The following KCND2 variants were observed in gnomAD, a reference collection of about 807,000 sequenced individuals.
KCND2 encodes potassium voltage-gated channel subfamily D member 2.
In KCND2, 16 loss-of-function variants were observed where a neutral mutation model predicts 54.4. The observed-to-expected ratio is 0.29, with a 90% CI of 0.20 to 0.45. KCND2 has a LOEUF of 0.45. KCND2 is among the 20% of genes least tolerant of loss of function. The pLI, the probability that KCND2 is intolerant of heterozygous loss-of-function variation, is 1.00. For synonymous variants in KCND2, 317 were observed against 310.7 expected, an observed-to-expected ratio of 1.02 and a Z score of -0.21; for missense variants, 486 against 824.2, an observed-to-expected ratio of 0.59 and a Z score of 5.02.
At chr7:120,403,482 A>ATTTTT (rs528759246) in intron 1 of KCND2, among the ~76,000 whole-genome samples, 1 of 130,926 alleles carries the variant, frequency 7.6e-6, no homozygotes, top group Non-Finnish European at 1.6e-5. Flanking sequence ...GGCCCGGCTA[A>ATTTTT]TTTTTTTTTT....
chr7:120,422,677 C>G (rs919189072), intron 1 of KCND2, among the ~76,000 whole-genome samples: 2 of 152,204 alleles, frequency 1.3e-5, no homozygotes, highest in Non-Finnish European at 2.9e-5. Context: ...TCCGTCTGCC[C>G]TCCACCTCGC....
intron 1 of KCND2, among the ~76,000 whole-genome samples, chr7:120,680,431 C>T (rs148407729): frequency 4.1e-4 from 63 of 152,106 alleles, no homozygotes; most frequent in African/African-American, 1.3e-3. Context: ...GTTTCATCGC[C>T]GTATAAATAA....
intron 1 of KCND2, among the ~76,000 whole-genome samples, chr7:120,497,943 A>G (rs565080523): frequency 1.3e-5 from 2 of 152,284 alleles, no homozygotes; most frequent in South Asian, 4.1e-4. Context: ...AAAACACAGT[A>G]CGCATTAAAA....
At chr7:120,523,196 C>T (rs532014051) in intron 1 of KCND2, among the ~76,000 whole-genome samples, 1 of 152,146 alleles carries the variant, frequency 6.6e-6, no homozygotes, top group Non-Finnish European at 1.5e-5. Context: ...TGTTTAGACA[C>T]TAACTTCATT....
intron 1 of KCND2, among the ~76,000 whole-genome samples, chr7:120,352,750 T>A (rs1224627267): frequency 6.6e-6 from 1 of 152,112 alleles, no homozygotes; most frequent in Admixed American, 6.6e-5. Context: ...GTAGGATTTT[T>A]AAAAATTGAG....
At chr7:120,493,642 G>A (rs1287801272) in intron 1 of KCND2, among the ~76,000 whole-genome samples, 1 of 151,978 alleles carries the variant, frequency 6.6e-6, no homozygotes, top group Admixed American at 6.6e-5. Context: ...AGTAATAAAA[G>A]AATACGAATT....
At position 120,741,697 on chromosome 7, in the gene KCND2, T is replaced by C. The variant is rs7795370; in HGVS notation, c.1374+68T>C. 47,082 of 1,075,670 alleles carry C rather than the reference T, an allele frequency of 0.044. 4,613 individuals carry two copies. The highest frequency in any genetic ancestry group is 0.36 in the African/African-American group (22,756 of 63,464). 66.6% of individuals were successfully genotyped at this position (1,075,670 alleles called of 1,614,324 possible). On this transcript the variant is annotated intron_variant, in intron 3 of 5. Transcript: ENST00000331113. ...GTTTAATATTGATTTAGTTCTACTTTCCTATAATTTTATTATGGCTAATTA... is the reference window on the plus strand; with the variant it reads ...GTTTAATATTGATTTAGTTCTACTTCCCTATAATTTTATTATGGCTAATTA...
intron 1 of KCND2, among the ~76,000 whole-genome samples, chr7:120,311,561 G>T (rs1428183587): frequency 6.6e-6 from 1 of 152,096 alleles, no homozygotes. Flanking sequence ...ATTCTGAATG[G>T]ATTTTCTCCT....
chr7:120,719,751 C>A (rs1014703212), intron 1 of KCND2, among the ~76,000 whole-genome samples: 1 of 152,112 alleles, frequency 6.6e-6, no homozygotes, highest in African/African-American at 2.4e-5. Flanking sequence ...CAGTTGAACC[C>A]GGAATAGTAT....
intron 1 of KCND2, among the ~76,000 whole-genome samples, chr7:120,304,845 G>A (rs1232261175): frequency 1.3e-5 from 2 of 152,204 alleles, no homozygotes; most frequent in Admixed American, 1.3e-4. Flanking sequence ...ATTCCTAAGA[G>A]AGCCTGGGCA....
chr7:120,617,802 T>C (rs1435557855), intron 1 of KCND2, among the ~76,000 whole-genome samples: 3 of 152,206 alleles, frequency 2.0e-5, no homozygotes, highest in Admixed American at 6.5e-5. Context: ...CACCATGGAA[T>C]ACTATGCAGC....
intron 1 of KCND2, among the ~76,000 whole-genome samples, chr7:120,310,510 A>G (rs1799722144): frequency 6.6e-6 from 1 of 152,228 alleles, no homozygotes; most frequent in Non-Finnish European, 1.5e-5. Context: ...AACATGCAGA[A>G]TAATATATTC....
chr7:120,467,377 G>A (rs1399482402), intron 1 of KCND2, among the ~76,000 whole-genome samples: 5 of 152,094 alleles, frequency 3.3e-5, no homozygotes, highest in African/African-American at 1.2e-4. Context: ...TAAGAGAATT[G>A]TGCTGGGGTG....
intron 1 of KCND2, among the ~76,000 whole-genome samples, chr7:120,527,341 C>A (rs1015017938): frequency 3.9e-5 from 6 of 152,016 alleles, no homozygotes; most frequent in Admixed American, 1.3e-4. Context: ...TAACTTCTTG[C>A]ATGTTGGTTG....
chr7:120,739,538 C>T (rs1792913761), intron 2 of KCND2, among the ~76,000 whole-genome samples: 1 of 151,912 alleles, frequency 6.6e-6, no homozygotes, highest in East Asian at 1.9e-4. Flanking sequence ...CATTATGTTT[C>T]CAACAAAGAA....
At chr7:120,278,502 G>C (rs1258262212) in intron 1 of KCND2, among the ~76,000 whole-genome samples, 1 of 150,988 alleles carries the variant, frequency 6.6e-6, no homozygotes, top group Non-Finnish European at 1.5e-5. Context: ...AGTGGTTATT[G>C]AAAGTTCCAT....
At chr7:120,610,001 T>C (rs897396508) in intron 1 of KCND2, among the ~76,000 whole-genome samples, 13 of 152,162 alleles carry the variant, frequency 8.5e-5, no homozygotes, top group African/African-American at 3.1e-4. Flanking sequence ...TTCGATAATT[T>C]GGAAAGAGTA....
intron 1 of KCND2, among the ~76,000 whole-genome samples, chr7:120,533,382 C>T (rs1371006866): frequency 2.0e-5 from 3 of 152,056 alleles, no homozygotes; most frequent in Non-Finnish European, 2.9e-5. Context: ...GAGATGTCAT[C>T]GCCATAGTTT....
chr7:120,694,042 T>G (rs140523863), intron 1 of KCND2, among the ~76,000 whole-genome samples: 1 of 152,302 alleles, frequency 6.6e-6, no homozygotes, highest in African/African-American at 2.4e-5. Context: ...TGCAGTCAGC[T>G]GTGATTGCAC....
Sources: gnomAD v4.1 joint callset for allele counts (sites outside exome capture counted in the v4.1 genomes callset) on GRCh38, gnomAD v4.1.1 for gene constraint, MANE v1.5 for transcripts, NCBI Gene and HGNC (gene_info 2026-07-23, HGNC 2026-07-21) for gene names.